TOR1B: variants seen among roughly 807,000 people sequenced by gnomAD.
TOR1B encodes torsin-1B.
In TOR1B, 14 loss-of-function variants were observed where a neutral mutation model predicts 29.2. The observed-to-expected ratio is 0.48, with a 90% CI of 0.32 to 0.75. The LOEUF (loss-of-function observed/expected upper bound fraction) is 0.75, where lower values mean the gene tolerates loss of function less well. TOR1B is among the 30% of genes least tolerant of loss of function. The pLI is 0.04. For synonymous variants in TOR1B, 166 were observed against 179.8 expected (o/e 0.92, Z 0.62); for missense variants, 400 against 433.9 (o/e 0.92, Z 0.69).
rs2030664887 is a variant in TOR1B at position 129,808,936 on chromosome 9, G to A, written c.673G>A (p.Ala225Thr). 6.2e-7 allele frequency: 1 copy of A among 1,613,954 alleles called. No homozygotes were observed. The highest frequency in any genetic ancestry group is 8.5e-7 in the Non-Finnish European group (1 of 1,179,992). Residue 225 changes from alanine (A) to threonine (T), a missense_variant, in exon 4 of 5, where the codon GCT (alanine) becomes ACT (threonine). Coordinates refer to ENST00000259339, the MANE Select transcript of TOR1B (RefSeq NM_014506.3). ...NAGGDLITKT[A>T]LDFWRAGRKR... The stretch of plus-strand genomic sequence containing the variant: ...AGGCGGGGACCTTATAACTAAGACG[G>A]CTCTTGACTTTTGGCGGGCCGGAAG...
At chr9:129,806,159 C>G (rs2030470648) in intron 2 of TOR1B, among the ~76,000 whole-genome samples, 1 of 151,318 alleles carries the variant, frequency 6.6e-6, no homozygotes, top group African/African-American at 2.4e-5. Context: ...TAGGTGGGGA[C>G]TGAAGAAAGA....
At chr9:129,807,389 C>T (rs776253961) in intron 3 of TOR1B, 26 bp downstream of exon 3, 2 of 1,610,188 alleles carry the variant, frequency 1.2e-6, no homozygotes, top group South Asian at 1.1e-5. Flanking sequence ...TTTTTTGGGG[C>T]ACACAAGCCC....
At chr9:129,809,313 A>T (rs1190152787) in intron 4 of TOR1B, 29 bp from the exon 5 acceptor site, 1 of 1,612,334 alleles carries the variant, frequency 6.2e-7, no homozygotes, top group Non-Finnish European at 8.5e-7. Context: ...CGGTGGTGGC[A>T]GGAAACCCAG....
Position 129,810,528 on chromosome 9 carries a change from C to A in TOR1B, c.*945C>A. The A allele has an allele frequency of 1.3e-6, 1 of 795,742 alleles. No individual in the cohort carries two copies. Among genetic ancestry groups the A allele is most frequent in the African/African-American group, 1.8e-5 (1 of 55,354 alleles). The allele number at this position is 795,742 out of a possible 1,614,324, so 49.3% of individuals were successfully genotyped here. A position where few individuals can be genotyped will look rare whatever the true frequency, so the allele number is the denominator to read the frequency against. The stretch of plus-strand genomic sequence containing the variant: ...TCTCAGCTTGGATCTCTGCTAGAGT[C>A]CCCCCAACCATATATCATAGAGTTG... On this transcript the variant is annotated 3_prime_UTR_variant, in exon 5 of 5. Coordinates refer to ENST00000259339, the MANE Select transcript of TOR1B (RefSeq NM_014506.3).
At chr9:129,807,500 ACTTTTC>A (rs2030564620) in intron 3 of TOR1B, 137 bp downstream of exon 3, 12 of 1,028,424 alleles carry the variant, frequency 1.2e-5, no homozygotes, top group Non-Finnish European at 1.6e-5. Context: ...CTACTGCTTT[ACTTTTC>A]CTTTGCCAGT....
chr9:129,804,452 C>T, intron 2 of TOR1B, 114 bp downstream of exon 2: 1 of 1,375,496 alleles, frequency 7.3e-7, no homozygotes, highest in South Asian at 1.4e-5. Context: ...GCCCCCGGCT[C>T]CACTGAGTTA....
At position 129,810,486 on chromosome 9, in the gene TOR1B, G is replaced by C. The variant is rs2030802471; in HGVS notation, c.*903G>C. On this transcript the variant is annotated 3_prime_UTR_variant, in exon 5 of 5. Transcript: ENST00000259339. Reference sequence around the variant, plus strand: ...ACCGTCTCAGCTGGTATCAGCCCCAGCCTGCCTTGTGCCATATCTCAGCTT... The same window carrying C: ...ACCGTCTCAGCTGGTATCAGCCCCACCCTGCCTTGTGCCATATCTCAGCTT... 1 of 1,125,072 alleles carries C rather than the reference G, an allele frequency of 8.9e-7. No individual in the cohort carries two copies. 69.7% of individuals were successfully genotyped at this position (1,125,072 alleles called of 1,614,324 possible). A position where few individuals can be genotyped will look rare whatever the true frequency, so the allele number is the denominator to read the frequency against.
In TOR1B at chr9:129,808,892, C is replaced by T. The variant is rs750686960; in HGVS notation, c.642-13C>T. The T allele has an allele frequency of 9.3e-6, 15 of 1,612,400 alleles. No individual in the cohort carries two copies. Among genetic ancestry groups the T allele is most frequent in the Non-Finnish European group, 5.9e-6 (7 of 1,179,588 alleles). On this transcript the variant is annotated splice_polypyrimidine_tract_variant and intron_variant, in intron 3 of 4. Coordinates refer to ENST00000259339, the MANE Select transcript of TOR1B (RefSeq NM_014506.3). ...ATATGTGATTTTAATCTTTATTTCT[C>T]TGGCAAACTCAGCAATGCAGGCGGG...
rs370685941 is a variant in TOR1B, at chr9:129,809,020, A to G, written c.757A>G (p.Asn253Asp). 34 of 1,610,386 alleles carry G rather than the reference A, an allele frequency of 2.1e-5. No individual in the cohort carries two copies. In the African/African-American group the frequency reaches 3.4e-4, roughly 16 times the overall value. The change falls in exon 4 of 5, where the codon AAT becomes GAT. Residue 253 changes from asparagine (N) to aspartate (D), a missense_variant. Transcript: ENST00000259339. ...ACCTGTACTGTCTGTCGGAGTCTTC[A>G]ATAATAAACACAGTGAGTCCACCAG... ...LEPVLSVGVF[N>D]NKHSGLWHSG...
intron 2 of TOR1B, among the ~76,000 whole-genome samples, chr9:129,806,490 T>C (rs2030490507): frequency 6.6e-6 from 1 of 152,230 alleles, no homozygotes; most frequent in Non-Finnish European, 1.5e-5. Flanking sequence ...TGTGCAGGTC[T>C]TGATCTAGTT....
Position 129,803,414 on chromosome 9 carries a change from A to G in TOR1B, c.199+3A>G. On this transcript the variant is annotated splice_donor_region_variant and intron_variant, in intron 1 of 4. Coordinates refer to ENST00000259339, the MANE Select transcript of TOR1B (RefSeq NM_014506.3). ...GGAGCGGCCGCTCAACGCTTCGGGT[A>G]CGGCGCGCGCGCGAGCTGTGGGTCG... 1 of 1,513,466 alleles carries G rather than the reference A, an allele frequency of 6.6e-7. No homozygotes were observed. Among genetic ancestry groups the G allele is most frequent in the South Asian group, 1.2e-5 (1 of 82,454 alleles). The allele number at this position is 1,513,466 out of a possible 1,614,324, so 93.8% of individuals were successfully genotyped here.
At chr9:129,808,803 C>T (rs573067255) in intron 3 of TOR1B, 102 bp from the exon 4 acceptor site, 8 of 1,447,906 alleles carry the variant, frequency 5.5e-6, no homozygotes, top group Middle Eastern at 1.8e-4. Flanking sequence ...CTACCTGCCT[C>T]GGCCTCCCAA....
chr9:129,809,243 C>T (rs2030700831), intron 4 of TOR1B, 99 bp from the exon 5 acceptor site: 1 of 1,574,188 alleles, frequency 6.4e-7, no homozygotes, highest in Non-Finnish European at 8.6e-7. Context: ...AAGAGACTCT[C>T]TCAAGGGGTA....
rs1317590108 is a variant in TOR1B at position 129,804,090 on chromosome 9, G to C, written c.217G>C (p.Glu73Gln). Residue 73 changes from glutamate to glutamine, a missense_variant, in exon 2 of 5, where the codon GAG (glutamate) becomes CAG (glutamine). Coordinates refer to ENST00000259339, the MANE Select transcript of TOR1B (RefSeq NM_014506.3). Reference sequence around the variant, plus strand: ...TCTTGCAGCTCTCAAGCTGGATTTGGAGGAGAAGCTGTTTGGACAGCATCT... The same window carrying C: ...TCTTGCAGCTCTCAAGCTGGATTTGCAGGAGAAGCTGTTTGGACAGCATCT... ...LNASALKLDLEEKLFGQHLAT... is the reference protein window; with the variant it reads ...LNASALKLDLQEKLFGQHLAT... 1.2e-6 allele frequency: 2 copies of C among 1,614,146 alleles called. No individual in the cohort carries two copies. The highest frequency in any genetic ancestry group is 3.3e-5 in the Admixed American group (2 of 60,020).
At chr9:129,808,543 C>CTTTTTT (rs763409733) in intron 3 of TOR1B, among the ~76,000 whole-genome samples, 3 of 77,804 alleles carry the variant, frequency 3.9e-5, no homozygotes, top group Admixed American at 3.1e-4. Flanking sequence ...ACACAGAAGT[C>CTTTTTT]TTTTTTTTTT....
At chr9:129,803,483 C>G (rs984096457) in intron 1 of TOR1B, 72 bp downstream of exon 1, 1 of 1,265,918 alleles carries the variant, frequency 7.9e-7, no homozygotes, top group Non-Finnish European at 9.9e-7. Flanking sequence ...GAGGGACGGC[C>G]TCGTGGGCGC....
Position 129,809,712 on chromosome 9 carries a change from CTT to C in TOR1B, c.*136_*137del, listed in dbSNP as rs577501387. The C allele has an allele frequency of 1.4e-6, 2 of 1,473,870 alleles. No homozygotes were observed. The highest frequency in any genetic ancestry group is 1.4e-5 in the South Asian group (1 of 71,042). The allele number at this position is 1,473,870 out of a possible 1,614,324, so 91.3% of individuals were successfully genotyped here. On this transcript the variant is annotated 3_prime_UTR_variant, in exon 5 of 5. Transcript: ENST00000259339. ...CACCTTAGACTTTTGGGTATAGAAT[CTT>C]TTTTTTGAGAAGAGGTCTCACTCCG...
intron 1 of TOR1B, among the ~76,000 whole-genome samples, chr9:129,803,848 G>C (rs1010272369): frequency 5.3e-5 from 8 of 152,190 alleles, no homozygotes; most frequent in Non-Finnish European, 1.2e-4. Context: ...GTTCATCTCT[G>C]AATGAATGAA....
At chr9:129,806,593 C>G (rs1006662333) in intron 2 of TOR1B, among the ~76,000 whole-genome samples, 5 of 152,178 alleles carry the variant, frequency 3.3e-5, no homozygotes, top group African/African-American at 9.7e-5. Flanking sequence ...ATGATATTCA[C>G]GGATCTTGCC....
Sources: gnomAD v4.1 joint callset for allele counts (sites outside exome capture counted in the v4.1 genomes callset) on GRCh38, gnomAD v4.1.1 for gene constraint, MANE v1.5 for transcripts, NCBI Gene and HGNC (gene_info 2026-07-23, HGNC 2026-07-21) for gene names.